The following GPC5 variants were observed in gnomAD, a reference collection of about 807,000 sequenced individuals.
The protein encoded by GPC5 is glypican-5.
Under a neutral mutation model 53.9 loss-of-function variants are expected in GPC5, and 47 were observed. The ratio of observed to expected loss-of-function variants is 0.87; its 90% CI spans 0.69 to 1.11. GPC5 has a LOEUF of 1.11. GPC5 is among the 50% of genes most tolerant of loss of function. The pLI is 0.00. For synonymous variants in GPC5, 286 were observed against 263.3 expected, an observed-to-expected ratio of 1.09 and a Z score of -0.84; for missense variants, 748 against 713.1, an observed-to-expected ratio of 1.05 and a Z score of -0.56.
chr13:92,218,710 T>C (rs1247882948), intron 7 of GPC5, among the ~76,000 whole-genome samples: 1 of 152,184 alleles, frequency 6.6e-6, no homozygotes, highest in African/African-American at 2.4e-5. Flanking sequence ...TTTTTTCAAA[T>C]CCAGCTTTCC....
chr13:91,696,222 G>C (rs1259123862), intron 3 of GPC5, among the ~76,000 whole-genome samples: 2 of 152,238 alleles, frequency 1.3e-5, no homozygotes, highest in Non-Finnish European at 2.9e-5. Flanking sequence ...GTTTCCTAAA[G>C]AAGTTTTATA....
intron 7 of GPC5, among the ~76,000 whole-genome samples, chr13:92,494,153 G>A (rs1483020819): frequency 6.6e-6 from 1 of 151,778 alleles, no homozygotes; most frequent in Non-Finnish European, 1.5e-5. Context: ...GCAGTGGCGC[G>A]ATCTCGGCTC....
intron 2 of GPC5, among the ~76,000 whole-genome samples, chr13:91,529,098 A>C (rs1886218978): frequency 6.6e-6 from 1 of 152,200 alleles, no homozygotes; most frequent in Admixed American, 6.5e-5. Flanking sequence ...ATGTCAGTAT[A>C]ATTAGTACAC....
chr13:92,109,074 T>TTG (rs1811523232), intron 6 of GPC5, among the ~76,000 whole-genome samples: 1 of 146,100 alleles, frequency 6.8e-6, no homozygotes, highest in African/African-American at 2.5e-5. Flanking sequence ...TTTTTTTTTT[T>TTG]TTTTTTTTTT....
chr13:91,964,084 C>T (rs1022578527), intron 6 of GPC5, among the ~76,000 whole-genome samples: 1 of 152,032 alleles, frequency 6.6e-6, no homozygotes, highest in East Asian at 1.9e-4. Context: ...GATGGTGTGT[C>T]CAGAGTTTTT....
At chr13:91,554,257 A>C (rs1182582947) in intron 2 of GPC5, among the ~76,000 whole-genome samples, 2 of 152,036 alleles carry the variant, frequency 1.3e-5, no homozygotes, top group Admixed American at 1.3e-4. Flanking sequence ...AGACACACAC[A>C]CACCCCCACA....
intron 7 of GPC5, among the ~76,000 whole-genome samples, chr13:92,273,215 C>G (rs925699048): frequency 6.6e-6 from 1 of 151,980 alleles, no homozygotes; most frequent in Non-Finnish European, 1.5e-5. Context: ...ATACAGTATT[C>G]CCAATTCCCA....
At chr13:92,442,507 AATTATTTTTAGAC>A (rs6145179) in intron 7 of GPC5, among the ~76,000 whole-genome samples, 23,711 of 152,106 alleles carry the variant, frequency 0.16, 2,208 homozygotes, top group East Asian at 0.47. Flanking sequence ...AATACAAGTC[AATTATTTTTAGAC>A]ATTATTTTTA....
chr13:91,431,051 T>G (rs1187584348), intron 1 of GPC5, among the ~76,000 whole-genome samples: 1 of 152,132 alleles, frequency 6.6e-6, no homozygotes, highest in Non-Finnish European at 1.5e-5. Flanking sequence ...ATTTTTCTAT[T>G]TTTTGTAGAG....
At chr13:91,887,390 C>T (rs895132251) in intron 5 of GPC5, among the ~76,000 whole-genome samples, 2 of 152,264 alleles carry the variant, frequency 1.3e-5, no homozygotes, top group East Asian at 1.9e-4. Context: ...GAAAGAGCTG[C>T]TGTGAAGGTG....
intron 7 of GPC5, among the ~76,000 whole-genome samples, chr13:92,258,872 G>T (rs1250779319): frequency 1.3e-5 from 2 of 152,168 alleles, no homozygotes; most frequent in Non-Finnish European, 2.9e-5. Context: ...AAAGCCAGGG[G>T]TTGAAGGCTG....
chr13:92,176,215 C>T lies in GPC5; in HGVS notation c.1561+31226C>T, dbSNP rs567693027. Among the ~76,000 whole-genome samples, 10 of 152,244 alleles carry T rather than the reference C, an allele frequency of 6.6e-5. No individual in the cohort carries two copies. In the South Asian group the frequency reaches 1.9e-3, roughly 28 times the overall value. ...GGTGACTCTGAATTACCAAAAAATG[C>T]TCAGATGATGATGGCACTGCTTATC... On this transcript the variant is annotated intron_variant, in intron 7 of 7. Transcript: ENST00000377067.
Position 91,717,478 on chromosome 13 carries a change from T to G in GPC5, c.1021-11054T>G, listed in dbSNP as rs1438707863. Reference sequence around the variant, plus strand: ...CTGAGAAGAGCTAGGGAAAGCTCACTCTTGAGTGAAGGAAATTCCAGTGCA... The same window carrying G: ...CTGAGAAGAGCTAGGGAAAGCTCACGCTTGAGTGAAGGAAATTCCAGTGCA... On this transcript the variant is annotated intron_variant, in intron 3 of 7. Transcript: ENST00000377067. 7.9e-5 allele frequency among the ~76,000 whole-genome samples: 12 copies of G among 152,228 alleles called. No homozygotes were observed. The East Asian group carries it at 1.7e-3, about 22-fold the overall frequency.
At chr13:92,428,521 C>T (rs16947594) in intron 7 of GPC5, among the ~76,000 whole-genome samples, 43,780 of 151,884 alleles carry the variant, frequency 0.29, 7,348 homozygotes, top group East Asian at 0.61. Context: ...AGTATCTAGT[C>T]AGACGAGTGG....
intron 6 of GPC5, among the ~76,000 whole-genome samples, chr13:91,940,535 A>T (rs935497879): frequency 6.6e-6 from 1 of 152,028 alleles, no homozygotes; most frequent in African/African-American, 2.4e-5. Flanking sequence ...GAGTTGAATG[A>T]TAGCTCCATT....
chr13:92,602,138 T>G (rs1884078296), intron 7 of GPC5, among the ~76,000 whole-genome samples: 1 of 146,366 alleles, frequency 6.8e-6, no homozygotes, highest in Non-Finnish European at 1.5e-5. Flanking sequence ...ATAATACATA[T>G]GTGTGTATAT....
intron 1 of GPC5, among the ~76,000 whole-genome samples, chr13:91,437,922 C>T (rs1880109756): frequency 6.6e-6 from 1 of 152,150 alleles, no homozygotes; most frequent in Non-Finnish European, 1.5e-5. Flanking sequence ...TTTGATCTTC[C>T]ATCACTGGTA....
chr13:92,020,622 G>T (rs1594727640), intron 6 of GPC5, among the ~76,000 whole-genome samples: 3 of 147,136 alleles, frequency 2.0e-5, no homozygotes, highest in African/African-American at 5.0e-5. Flanking sequence ...TTGGCCATTT[G>T]TATATTTTCT....
At chr13:92,381,836 A>G (rs1333514852) in intron 7 of GPC5, among the ~76,000 whole-genome samples, 5 of 99,358 alleles carry the variant, frequency 5.0e-5, no homozygotes, top group Non-Finnish European at 1.1e-4. Flanking sequence ...CATATATATT[A>G]TATTGTATAT....
Sources: gnomAD v4.1 joint callset for allele counts (sites outside exome capture counted in the v4.1 genomes callset) on GRCh38, gnomAD v4.1.1 for gene constraint, MANE v1.5 for transcripts, NCBI Gene and HGNC (gene_info 2026-07-23, HGNC 2026-07-21) for gene names.